The following PTK2 variants were observed in gnomAD, a reference collection of about 807,000 sequenced individuals.
PTK2 encodes the protein protein tyrosine kinase 2, also known as focal adhesion kinase 1.
A neutral mutation model predicts 150.1 loss-of-function variants in PTK2; 45 were observed. That is an observed-to-expected ratio of 0.30 (90% confidence interval 0.24 to 0.38). The LOEUF (loss-of-function observed/expected upper bound fraction) is 0.38, where lower values mean the gene tolerates loss of function less well. Ranked by LOEUF, PTK2 falls within the 10% of genes least tolerant of loss-of-function variation. The pLI, the probability that PTK2 is intolerant of heterozygous loss-of-function variation, is 1.00. For missense variants in PTK2, 919 were observed against 1,307.3 expected, an observed-to-expected ratio of 0.70 and a Z score of 4.58; for synonymous variants, 432 against 449.2, an observed-to-expected ratio of 0.96 and a Z score of 0.48.
chr8:140,962,843 C>G (rs1335717447), intron 1 of PTK2, among the ~76,000 whole-genome samples: 10 of 151,646 alleles, frequency 6.6e-5, no homozygotes, highest in African/African-American at 2.4e-4. Context: ...TCACTCATGG[C>G]AATCCTACAA....
At chr8:140,735,688 A>G (rs924256479) in intron 21 of PTK2, among the ~76,000 whole-genome samples, 2 of 152,212 alleles carry the variant, frequency 1.3e-5, no homozygotes, top group African/African-American at 4.8e-5. Flanking sequence ...TTTTTCTCAG[A>G]GGTTTATTTT....
intron 13 of PTK2, among the ~76,000 whole-genome samples, chr8:140,791,804 A>G (rs1048947045): frequency 1.3e-5 from 2 of 152,234 alleles, no homozygotes; most frequent in East Asian, 1.9e-4. Context: ...GCCTTCAGGC[A>G]AAAGACAGGA....
At chr8:140,905,681 G>A (rs746278602) in intron 2 of PTK2, among the ~76,000 whole-genome samples, 2 of 152,132 alleles carry the variant, frequency 1.3e-5, no homozygotes, top group Non-Finnish European at 2.9e-5. Flanking sequence ...GGACCTAATA[G>A]ACATCTACAG....
At chr8:140,810,719 G>A (rs371968976) in intron 10 of PTK2, among the ~76,000 whole-genome samples, 3 of 152,286 alleles carry the variant, frequency 2.0e-5, no homozygotes, top group South Asian at 4.1e-4. Context: ...CACCTCAGTC[G>A]GAGCCTTGGC....
chr8:140,769,611 T>C lies in PTK2; in HGVS notation c.1178-5321A>G, dbSNP rs750686823. Reference sequence around the variant, plus strand: ...ATTTCATCTGCAGATCCGGGTGGCATGCAAAGAAAGGGAAGTAGGGAACAG... The same window carrying C: ...ATTTCATCTGCAGATCCGGGTGGCACGCAAAGAAAGGGAAGTAGGGAACAG... On this transcript the variant is annotated intron_variant, in intron 14 of 31. Transcript: ENST00000522684. 2.2e-5 allele frequency: 30 copies of C among 1,358,700 alleles called. No individual in the cohort carries two copies. The highest frequency in any genetic ancestry group is 2.8e-5 in the Non-Finnish European group (29 of 1,024,670). The allele number at this position is 1,358,700 out of a possible 1,614,324, so 84.2% of individuals were successfully genotyped here. A position where few individuals can be genotyped will look rare whatever the true frequency, so the allele number is the denominator to read the frequency against.
At chr8:140,957,490 A>T (rs202056227) in intron 1 of PTK2, among the ~76,000 whole-genome samples, 91 of 152,324 alleles carry the variant, frequency 6.0e-4, no homozygotes, top group Middle Eastern at 6.8e-3. Context: ...GAAGAAAAAT[A>T]TTTTTTATAA....
intron 5 of PTK2, among the ~76,000 whole-genome samples, chr8:140,851,704 C>A (rs901282386): frequency 6.6e-6 from 1 of 151,954 alleles, no homozygotes. Flanking sequence ...ACTATAAATA[C>A]AAAAATTAGG....
intron 27 of PTK2, among the ~76,000 whole-genome samples, chr8:140,686,007 G>A (rs2100019565): frequency 6.6e-6 from 1 of 152,126 alleles, no homozygotes; most frequent in Non-Finnish European, 1.5e-5. Flanking sequence ...ATGATAGACT[G>A]GATAAAGAAA....
At chr8:140,674,053 T>G in intron 29 of PTK2, 1 of 640,496 alleles carries the variant, frequency 1.6e-6, no homozygotes, top group Admixed American at 1.9e-5. Flanking sequence ...AGAATCTGAC[T>G]GAATTCCTAA....
intron 17 of PTK2, chr8:140,751,833 G>C: frequency 4.1e-6 from 2 of 487,336 alleles, no homozygotes; most frequent in Non-Finnish European, 8.1e-6. Context: ...AAGGGGAATG[G>C]TCATAGAGCC....
At position 140,822,038 on chromosome 8, in the gene PTK2, T is replaced by C. The variant is rs189797170; in HGVS notation, c.649-3018A>G. ...TACAACAGAGCATGCAGATTGGACATGGAGATTTGAGTACTGCTTGTAGCC... is the reference window on the plus strand; with the variant it reads ...TACAACAGAGCATGCAGATTGGACACGGAGATTTGAGTACTGCTTGTAGCC... On this transcript the variant is annotated intron_variant, in intron 8 of 31. Transcript: ENST00000522684. 7.2e-5 allele frequency: 11 copies of C among 152,316 alleles called. No individual in the cohort carries two copies. The East Asian group carries it at 2.1e-3, about 29-fold the overall frequency. The allele number at this position is 152,316 out of a possible 1,614,324, so 9.4% of individuals were successfully genotyped here.
chr8:140,827,896 GT>G (rs1409254379), intron 8 of PTK2, among the ~76,000 whole-genome samples: 5 of 152,212 alleles, frequency 3.3e-5, no homozygotes, highest in Admixed American at 3.3e-4. Flanking sequence ...GCCAGGCACA[GT>G]GGCTCACGCC....
At chr8:140,717,124 C>A (rs527698197) in intron 23 of PTK2, among the ~76,000 whole-genome samples, 6 of 152,318 alleles carry the variant, frequency 3.9e-5, no homozygotes, top group South Asian at 4.1e-4. Context: ...ACAAACAACC[C>A]AGCCACCAGC....
At chr8:140,735,206 A>G (rs1389347982) in intron 22 of PTK2, 45 bp downstream of exon 25, 5 of 1,556,654 alleles carry the variant, frequency 3.2e-6, no homozygotes, top group Non-Finnish European at 4.4e-6. Flanking sequence ...GAGAAGCAGC[A>G]TAATCTGCCC....
Position 140,988,044 on chromosome 8 carries a change from C to CA in PTK2, c.-122+13080dup, listed in dbSNP as rs71310813. On this transcript the variant is annotated intron_variant, in intron 1 of 31. Transcript: ENST00000522684. Reference sequence around the variant, plus strand: ...TGGACAACAGAGTGAGACCCTGTCTCAAAAAAAAAAAAAAAAAAAGTTAAA... The same window carrying CA: ...TGGACAACAGAGTGAGACCCTGTCTCAAAAAAAAAAAAAAAAAAAAGTTAAA... 4.2e-3 allele frequency among the ~76,000 whole-genome samples: 428 copies of CA among 101,390 alleles called. 3 individuals carry two copies. The highest frequency in any genetic ancestry group is 6.2e-3 in the East Asian group (22 of 3,558). The allele number at this position is 101,390 out of a possible 152,430, so 66.5% of individuals were successfully genotyped here.
chr8:140,664,037 G>A (rs1238153995), intron 31 of PTK2, among the ~76,000 whole-genome samples: 1 of 151,970 alleles, frequency 6.6e-6, no homozygotes, highest in Non-Finnish European at 1.5e-5. Context: ...AGGCTGGAGT[G>A]CAATGGCACG....
chr8:140,955,967 G>C (rs896981200), intron 1 of PTK2, among the ~76,000 whole-genome samples: 2 of 152,176 alleles, frequency 1.3e-5, no homozygotes, highest in Admixed American at 6.5e-5. Context: ...TGGAAAAGGA[G>C]AGCATCCTTA....
intron 2 of PTK2, among the ~76,000 whole-genome samples, chr8:140,908,688 G>GC (rs1296093944): frequency 6.6e-6 from 1 of 151,984 alleles, no homozygotes; most frequent in African/African-American, 2.4e-5. Context: ...ATAAGATTTG[G>GC]GGGGGGACAC....
intron 23 of PTK2, among the ~76,000 whole-genome samples, 170 bp from the exon 27 acceptor site, chr8:140,706,375 G>C (rs192512005): frequency 6.6e-6 from 1 of 152,198 alleles, no homozygotes. Flanking sequence ...ATGATGCTGT[G>C]GCAACTGGAT....
Sources: allele counts gnomAD v4.1 joint callset (sites outside exome capture counted in the v4.1 genomes callset), GRCh38; gene constraint gnomAD v4.1.1; transcripts MANE v1.5; gene names NCBI Gene and HGNC (gene_info 2026-07-23, HGNC 2026-07-21).